The following STK3 variants were observed in gnomAD, a reference collection of about 807,000 sequenced individuals.
The protein encoded by STK3 is serine/threonine-protein kinase 3.
Under a neutral mutation model 58.0 loss-of-function variants are expected in STK3, and 41 were observed. The ratio of observed to expected loss-of-function variants is 0.71; its 90% CI spans 0.55 to 0.92. The LOEUF is 0.92. Ranked by LOEUF, STK3 falls within the 40% of genes least tolerant of loss-of-function variation. The pLI, the probability that STK3 is intolerant of heterozygous loss-of-function variation, is 0.00. For synonymous variants in STK3, 170 were observed against 191.0 expected, an observed-to-expected ratio of 0.89 and a Z score of 0.91; for missense variants, 479 against 602.7, an observed-to-expected ratio of 0.79 and a Z score of 2.15.
chr8:98,675,336 T>C (rs567598152), intron 6 of STK3, among the ~76,000 whole-genome samples: 13 of 152,362 alleles, frequency 8.5e-5, no homozygotes, highest in African/African-American at 2.6e-4. Context: ...GCTAGCTTCC[T>C]GAAATGATGT....
Position 98,800,914 on chromosome 8 carries a change from G to C in STK3, c.26+24601C>G, listed in dbSNP as rs187533229. ...TGCAGCCGGAGCCTCCCCAACAGGC[G>C]CTGGCCCCTGCTCCACGGCGTCCGG... On this transcript the variant is annotated intron_variant, in intron 1 of 10. Transcript: ENST00000419617. The surrounding 1 kb of genome is among the most constrained non-coding windows in gnomAD (Gnocchi z 4.8). 2.9e-4 allele frequency among the ~76,000 whole-genome samples: 44 copies of C among 152,318 alleles called. 1 individual carries two copies. In the East Asian group the frequency reaches 7.1e-3, roughly 25 times the overall value.
At chr8:98,591,058 A>G (rs369651167) in intron 7 of STK3, among the ~76,000 whole-genome samples, 8 of 152,182 alleles carry the variant, frequency 5.3e-5, no homozygotes, top group Non-Finnish European at 8.8e-5. Context: ...CAAAGGTTCA[A>G]TTTAGGATTT....
At chr8:98,907,007 A>AAAAAC (rs1447827582) in intron 1 of STK3, among the ~76,000 whole-genome samples, 6 of 151,676 alleles carry the variant, frequency 4.0e-5, no homozygotes, top group Non-Finnish European at 7.4e-5. Context: ...AAAAAAAAAA[A>AAAAAC]ATTAGCCAGG....
At chr8:98,907,494 C>T (rs1838962487) in intron 1 of STK3, among the ~76,000 whole-genome samples, 1 of 152,190 alleles carries the variant, frequency 6.6e-6, no homozygotes, top group South Asian at 2.1e-4. Context: ...GCCTGGGCGA[C>T]AGGGAGAGAC....
intron 1 of STK3, among the ~76,000 whole-genome samples, chr8:98,384,511 C>G (rs947696425): frequency 6.6e-6 from 1 of 152,224 alleles, no homozygotes; most frequent in African/African-American, 2.4e-5. Flanking sequence ...ACCTTCCATC[C>G]AGTAATACAA....
chr8:98,765,546 T>G (rs1013058279), intron 3 of STK3, among the ~76,000 whole-genome samples: 1 of 152,170 alleles, frequency 6.6e-6, no homozygotes, highest in Non-Finnish European at 1.5e-5. Flanking sequence ...CAGCTCTAAG[T>G]CACACGAGAC....
At chr8:98,813,410 G>C (rs1728075902) in intron 1 of STK3, among the ~76,000 whole-genome samples, 2 of 151,636 alleles carry the variant, frequency 1.3e-5, no homozygotes, top group Admixed American at 1.3e-4. Context: ...TAAATTTATG[G>C]GGGTTTAATT....
chr8:98,703,721 A>T lies in STK3; in HGVS notation c.684+2746T>A, dbSNP rs1394045624. The stretch of plus-strand genomic sequence containing the variant: ...TCCTTCTAAGACACTCATTCATTAA[A>T]ACCCAAACCCTCCATATCAAGGCCA... On this transcript the variant is annotated intron_variant, in intron 6 of 10. Coordinates refer to ENST00000419617, the MANE Select transcript of STK3 (RefSeq NM_006281.4). Among the ~76,000 whole-genome samples, 7 of 152,170 alleles carry T rather than the reference A, an allele frequency of 4.6e-5. No homozygotes were observed. The East Asian group carries it at 1.4e-3, about 29-fold the overall frequency.
intron 3 of STK3, among the ~76,000 whole-genome samples, chr8:98,870,624 G>C (rs1423552438): frequency 1.3e-5 from 2 of 152,122 alleles, no homozygotes; most frequent in African/African-American, 4.8e-5. Context: ...GTGTCTGTTG[G>C]CTGCATAAAT....
chr8:98,840,076 G>A (rs953357229), intron 3 of STK3, among the ~76,000 whole-genome samples: 7 of 152,010 alleles, frequency 4.6e-5, no homozygotes, highest in East Asian at 1.9e-4. Context: ...GCTGGGTGCC[G>A]TGGCTAACAC....
rs62532592 is a variant in STK3, at chr8:98,832,259, T to A, written c.110+51388A>T. 3.8e-3 allele frequency among the ~76,000 whole-genome samples: 519 copies of A among 136,704 alleles called. 2 individuals are homozygous for A. Among genetic ancestry groups the A allele is most frequent in the East Asian group, 0.02 (94 of 4,598 alleles). The allele number at this position is 136,704 out of a possible 152,430, so 89.7% of individuals were successfully genotyped here. On this transcript the variant is annotated intron_variant, in intron 3 of 12. Coordinates refer to the STK3 transcript ENST00000523601. ...TCCTTTTCGTGAAAAAAAAAAAATA[T>A]ATATATATATATAGATATCTATATA...
At chr8:98,640,443 G>C (rs1819938272) in intron 6 of STK3, among the ~76,000 whole-genome samples, 1 of 151,952 alleles carries the variant, frequency 6.6e-6, no homozygotes, top group South Asian at 2.1e-4. Context: ...TAATCTAGTG[G>C]AAAAATGTGA....
chr8:98,757,921 A>T (rs967888566), intron 3 of STK3, among the ~76,000 whole-genome samples: 4 of 152,230 alleles, frequency 2.6e-5, no homozygotes, highest in Non-Finnish European at 5.9e-5. Flanking sequence ...TCAAGGATCA[A>T]ACATGATGTT....
At chr8:98,504,317 C>T (rs904514638) in intron 10 of STK3, among the ~76,000 whole-genome samples, 3 of 152,160 alleles carry the variant, frequency 2.0e-5, no homozygotes, top group Non-Finnish European at 4.4e-5. Flanking sequence ...GAATACAGCA[C>T]ATTGATGGGT....
intron 10 of STK3, among the ~76,000 whole-genome samples, chr8:98,506,266 T>G (rs908005003): frequency 7.2e-5 from 11 of 152,204 alleles, no homozygotes; most frequent in Non-Finnish European, 1.6e-4. Context: ...ATCACAGTAT[T>G]TAGGTGGAGG....
chr8:98,511,870 GT>G (rs1475481347), intron 10 of STK3, among the ~76,000 whole-genome samples: 2 of 151,976 alleles, frequency 1.3e-5, no homozygotes, highest in Non-Finnish European at 2.9e-5. Flanking sequence ...TAAGTTAGAG[GT>G]TATGTATTAA....
chr8:98,782,035 C>T (rs1221154614), intron 1 of STK3: 3 of 207,414 alleles, frequency 1.4e-5, no homozygotes, highest in Admixed American at 4.4e-5. Context: ...CTGCAGCAGA[C>T]GCTGTGAGTA....
intron 1 of STK3, among the ~76,000 whole-genome samples, chr8:98,816,393 C>T (rs1266166238): frequency 6.6e-6 from 1 of 152,088 alleles, no homozygotes; most frequent in Non-Finnish European, 1.5e-5. Flanking sequence ...TGCCTATAGT[C>T]CCAGCTCCTC....
chr8:98,349,696 T>C, the STK3 span, among the ~76,000 whole-genome samples: 4 of 152,358 alleles, frequency 2.6e-5, no homozygotes, highest in Admixed American at 6.5e-5. Context: ...ACCTCAATTC[T>C]TGACTTCTGT....
Sources: allele counts gnomAD v4.1 joint callset (sites outside exome capture counted in the v4.1 genomes callset), GRCh38; gene constraint gnomAD v4.1.1; non-coding constraint Gnocchi (gnomAD v3.1); transcripts MANE v1.5; gene names NCBI Gene and HGNC (gene_info 2026-07-23, HGNC 2026-07-21).